FARP1: variants seen among roughly 807,000 people sequenced by gnomAD.
FARP1 encodes FERM, ARHGEF and pleckstrin domain-containing protein 1.
A neutral mutation model predicts 128.8 loss-of-function variants in FARP1; 52 were observed. The ratio of observed to expected loss-of-function variants is 0.40; its 90% confidence interval spans 0.32 to 0.51. The LOEUF (loss-of-function observed/expected upper bound fraction) is 0.51, where lower values mean the gene tolerates loss of function less well. FARP1 is among the 20% of genes least tolerant of loss of function. FARP1 has a pLI of 0.45. For missense variants in FARP1, 1,333 were observed against 1,367.9 expected, an observed-to-expected ratio of 0.97 and a Z score of 0.40; for synonymous variants, 580 against 551.8, an observed-to-expected ratio of 1.05 and a Z score of -0.72.
In FARP1 at chr13:98,149,887, G is replaced by A. The variant is rs187634062; in HGVS notation, c.-24+6395G>A. Among the ~76,000 whole-genome samples, 1,029 of 150,736 alleles carry A rather than the reference G, an allele frequency of 6.8e-3. 7 individuals are homozygous for A. Among genetic ancestry groups the A allele is most frequent in the Non-Finnish European group, 9.7e-3 (654 of 67,724 alleles). ...CGAGTAGCTGGGTCTACAGGCACCCGCCACCATGCCCGGCTAATTTTTTGT... is the reference window on the plus strand; with the variant it reads ...CGAGTAGCTGGGTCTACAGGCACCCACCACCATGCCCGGCTAATTTTTTGT... On this transcript the variant is annotated intron_variant, in intron 1 of 26. Transcript: ENST00000319562.
At position 98,364,835 on chromosome 13, in the gene FARP1, G is replaced by C. The variant is rs572964603; in HGVS notation, c.277-560G>C. On this transcript the variant is annotated intron_variant, in intron 3 of 26. Transcript: ENST00000319562. ...CTAGCAGTGTCACTCTCTAGCTGAG[G>C]GACCTGGGGCAAATTAGCCTCTGCA... Among the ~76,000 whole-genome samples, 71 of 152,328 alleles carry C rather than the reference G, an allele frequency of 4.7e-4. 1 individual carries two copies. Among genetic ancestry groups the C allele is most frequent in the Admixed American group, 1.8e-3 (28 of 15,304 alleles).
At chr13:98,397,653 T>G (rs77822005) in intron 13 of FARP1, 1 of 152,178 alleles carries the variant, frequency 6.6e-6, no homozygotes, top group Admixed American at 6.5e-5. Flanking sequence ...TAAAAATTAG[T>G]GATGCCGGGA....
intron 2 of FARP1, among the ~76,000 whole-genome samples, chr13:98,257,407 C>G (rs552085777): frequency 3.0e-4 from 46 of 152,226 alleles, no homozygotes; most frequent in African/African-American, 9.9e-4. Context: ...TGTTTTGTTA[C>G]CTTCTCCTCA....
chr13:98,391,652 A>G (rs1890310678), intron 11 of FARP1, among the ~76,000 whole-genome samples: 1 of 152,368 alleles, frequency 6.6e-6, no homozygotes, highest in Admixed American at 6.5e-5. Context: ...TGTTCCGAGC[A>G]CTGGGCCTGA....
At chr13:98,243,696 C>CAAAAAA (rs61020922) in intron 2 of FARP1, among the ~76,000 whole-genome samples, 19 of 64,902 alleles carry the variant, frequency 2.9e-4, no homozygotes, top group African/African-American at 8.0e-4. Flanking sequence ...GACTCCATCT[C>CAAAAAA]AAAAAAAAAA....
At chr13:98,239,493 A>G (rs559700959) in intron 2 of FARP1, among the ~76,000 whole-genome samples, 2 of 152,246 alleles carry the variant, frequency 1.3e-5, no homozygotes, top group South Asian at 4.1e-4. Flanking sequence ...TACGATTTCT[A>G]CACTGTGGAA....
intron 24 of FARP1, chr13:98,445,415 C>G (rs1892763619): frequency 6.6e-6 from 1 of 152,310 alleles, no homozygotes; most frequent in African/African-American, 2.4e-5. Context: ...CCTGTCCCTG[C>G]CCCCTAGCTG....
intron 2 of FARP1, among the ~76,000 whole-genome samples, chr13:98,290,768 TCTC>T (rs1885412749): frequency 6.6e-6 from 1 of 152,058 alleles, no homozygotes; most frequent in Non-Finnish European, 1.5e-5. Context: ...GCTGACAAGA[TCTC>T]CTAAAGAATT....
In FARP1 at chr13:98,440,794, C is replaced by A; in HGVS notation, c.2754C>A (p.Arg918=). 6.2e-7 allele frequency: 1 copy of A among 1,612,542 alleles called. No homozygotes were observed. Among genetic ancestry groups the A allele is most frequent in the Non-Finnish European group, 8.5e-7 (1 of 1,179,736 alleles). ...GNTMVHVCWH[R]NTSVSMVDFS... ...CAATGGTGCACGTGTGCTGGCACCG[C>A]AACACCAGCGTCTCCATGGTGGACT... is the stretch of plus-strand genomic sequence containing the variant. Residue 918 remains arginine, a synonymous_variant, in exon 24 of 27, where the codon CGC becomes CGA. Coordinates refer to ENST00000319562, the MANE Select transcript of FARP1 (RefSeq NM_005766.4).
chr13:98,416,628 AAC>A (rs1395782578), intron 16 of FARP1, among the ~76,000 whole-genome samples: 1 of 152,258 alleles, frequency 6.6e-6, no homozygotes, highest in Non-Finnish European at 1.5e-5. Context: ...TGAAAGCAAG[AAC>A]AGTTTACTCA....
chr13:98,436,455 CA>C (rs1269555979), intron 19 of FARP1, among the ~76,000 whole-genome samples: 1 of 152,210 alleles, frequency 6.6e-6, no homozygotes, highest in African/African-American at 2.4e-5. Context: ...GTGGCGCCCC[CA>C]TTTCAAATGC....
At position 98,176,790 on chromosome 13, in the gene FARP1, T is replaced by C; in HGVS notation, c.-24+33298T>C. On this transcript the variant is annotated intron_variant, in intron 1 of 26. Coordinates refer to ENST00000319562, the MANE Select transcript of FARP1 (RefSeq NM_005766.4). The surrounding 1 kb of genome is among the most constrained non-coding windows in gnomAD (Gnocchi z 6.2). ...TCAGGTACCTCAGGTAGCTGTGGAT[T>C]CCCCGGTAGATGTGGTCGTGCTCCC... 6.2e-7 allele frequency: 1 copy of C among 1,613,516 alleles called. No individual in the cohort carries two copies. Among genetic ancestry groups the C allele is most frequent in the Non-Finnish European group, 8.5e-7 (1 of 1,179,996 alleles).
intron 2 of FARP1, among the ~76,000 whole-genome samples, chr13:98,322,708 C>G (rs1054457360): frequency 6.6e-6 from 1 of 152,204 alleles, no homozygotes; most frequent in Non-Finnish European, 1.5e-5. Flanking sequence ...ATCCAAGAAT[C>G]ACAGCTCAGC....
chr13:98,239,605 T>C (rs1329954099), intron 2 of FARP1, among the ~76,000 whole-genome samples: 2 of 152,106 alleles, frequency 1.3e-5, no homozygotes, highest in Non-Finnish European at 2.9e-5. Flanking sequence ...TAGGCAGTGC[T>C]GTTAGAGACT....
At chr13:98,395,177 C>CA in intron 12 of FARP1, 50 bp from the exon 13 acceptor site, 1 of 1,533,244 alleles carries the variant, frequency 6.5e-7, no homozygotes, top group Non-Finnish European at 8.8e-7. Context: ...CTTGGAATAA[C>CA]AGTCTCCCTC....
In FARP1 at chr13:98,396,722, G is replaced by A. The variant is rs532108840; in HGVS notation, c.1414+1246G>A. ...AAAAGGTGGGCAAGATAAACAGCAA[G>A]TCCTAATGACAAGTTCTCAGGAGCT... is the stretch of plus-strand genomic sequence containing the variant. On this transcript the variant is annotated intron_variant, in intron 13 of 26. Coordinates refer to ENST00000319562, the MANE Select transcript of FARP1 (RefSeq NM_005766.4). 1.3e-5 allele frequency: 5 copies of A among 376,084 alleles called. No individual in the cohort carries two copies. In the South Asian group the frequency reaches 4.4e-4, roughly 33 times the overall value. The allele number at this position is 376,084 out of a possible 1,614,324, so 23.3% of individuals were successfully genotyped here. A position where few individuals can be genotyped will look rare whatever the true frequency, so the allele number is the denominator to read the frequency against.
chr13:98,256,125 C>T (rs1266009468), intron 2 of FARP1, among the ~76,000 whole-genome samples: 1 of 152,130 alleles, frequency 6.6e-6, no homozygotes, highest in African/African-American at 2.4e-5. Flanking sequence ...CAAAGATGTT[C>T]GTGAAAGTGT....
In FARP1 at chr13:98,176,774, T is replaced by TCA. The variant is rs1878082060; in HGVS notation, c.-24+33283_-24+33284dup. On this transcript the variant is annotated intron_variant, in intron 1 of 26. Coordinates refer to ENST00000319562, the MANE Select transcript of FARP1 (RefSeq NM_005766.4). The surrounding 1 kb of genome is among the most constrained non-coding windows in gnomAD (Gnocchi z 6.2). The stretch of plus-strand genomic sequence containing the variant: ...GACGTGTCCTTGGGCTTCAGGTACC[T>TCA]CAGGTAGCTGTGGATTCCCCGGTAG... 1 of 1,613,776 alleles carries TCA rather than the reference T, an allele frequency of 6.2e-7. No homozygotes were observed. The highest frequency in any genetic ancestry group is 1.3e-5 in the African/African-American group (1 of 74,938).
intron 2 of FARP1, among the ~76,000 whole-genome samples, chr13:98,337,095 A>G (rs1276519025): frequency 3.9e-5 from 6 of 152,188 alleles, no homozygotes; most frequent in Non-Finnish European, 7.3e-5. Flanking sequence ...GGCCAGGTGC[A>G]CTGGCTGACA....
Sources: allele counts gnomAD v4.1 joint callset (sites outside exome capture counted in the v4.1 genomes callset), GRCh38; gene constraint gnomAD v4.1.1; non-coding constraint Gnocchi (gnomAD v3.1); transcripts MANE v1.5; gene names NCBI Gene and HGNC (gene_info 2026-07-23, HGNC 2026-07-21).